Variants in ANK2 observed in about 807,000 individuals in gnomAD.
ANK2 encodes the protein ankyrin-2.
A neutral mutation model predicts 360.5 loss-of-function variants in ANK2; 83 were observed. The ratio of observed to expected loss-of-function variants is 0.23; its 90% CI spans 0.19 to 0.28. ANK2 has a LOEUF of 0.28. Ranked by LOEUF, ANK2 falls within the 10% of genes least tolerant of loss-of-function variation. The probability of loss-of-function intolerance (pLI) is 1.00; values close to 1 mark genes in which losing one functional copy is unlikely to be tolerated. For missense variants in ANK2, 4,201 were observed against 4,795.7 expected (o/e 0.88, Z 3.66); for synonymous variants, 1,740 against 1,759.5 (o/e 0.99, Z 0.28).
At chr4:113,280,782 T>C (rs2061985139) in intron 17 of ANK2, among the ~76,000 whole-genome samples, 1 of 152,222 alleles carries the variant, frequency 6.6e-6, no homozygotes, top group Admixed American at 6.5e-5. Context: ...ATTGCCAGAA[T>C]TGACACCTTC....
chr4:113,173,614 A>T (rs1489801894), intron 1 of ANK2, among the ~76,000 whole-genome samples: 1 of 152,178 alleles, frequency 6.6e-6, no homozygotes, highest in African/African-American at 2.4e-5. Flanking sequence ...GTAACTGTGC[A>T]TCTGGAGCAA....
chr4:112,958,079 C>T (rs1242717766), intron 2 of ANK2, among the ~76,000 whole-genome samples: 11 of 151,026 alleles, frequency 7.3e-5, no homozygotes, highest in African/African-American at 2.7e-4. Context: ...GATGGGATGG[C>T]GGCCGGGCAG....
At chr4:113,124,791 A>G (rs2095564916) in intron 1 of ANK2, among the ~76,000 whole-genome samples, 1 of 152,124 alleles carries the variant, frequency 6.6e-6, no homozygotes, top group Non-Finnish European at 1.5e-5. Context: ...GTTGCTTATC[A>G]TAGGGGAACA....
In ANK2 at chr4:113,282,932, A is replaced by G. The variant is rs143738346; in HGVS notation, c.2079+60A>G. On this transcript the variant is annotated intron_variant, in intron 18 of 45. Coordinates refer to ENST00000357077, the MANE Select transcript of ANK2 (RefSeq NM_001148.6). Reference sequence around the variant, plus strand: ...TTTGGATGCATGTAAACAGGAACCAATCGCAGACAGTTTGGAACAAAAAGG... The same window carrying G: ...TTTGGATGCATGTAAACAGGAACCAGTCGCAGACAGTTTGGAACAAAAAGG... The G allele has an allele frequency of 5.6e-4, 884 of 1,568,666 alleles. 5 individuals are homozygous for G. In the African/African-American group the frequency reaches 0.01, roughly 18 times the overall value.
At chr4:113,377,648 G>A (rs897464123) in intron 45 of ANK2, among the ~76,000 whole-genome samples, 1 of 152,100 alleles carries the variant, frequency 6.6e-6, no homozygotes, top group Non-Finnish European at 1.5e-5. Context: ...GAATTCATTG[G>A]AATATTAAAA....
intron 1 of ANK2, among the ~76,000 whole-genome samples, chr4:113,150,075 G>A (rs2154394990): frequency 6.6e-6 from 1 of 152,126 alleles, no homozygotes; most frequent in South Asian, 2.1e-4. Context: ...GAGGGGATCA[G>A]TGCAGGCCTC....
intron 8 of ANK2, among the ~76,000 whole-genome samples, chr4:113,241,481 G>A (rs1330030627): frequency 6.6e-6 from 1 of 152,216 alleles, no homozygotes; most frequent in South Asian, 2.1e-4. Flanking sequence ...AGGACTACAG[G>A]AACACACTAC....
At chr4:113,087,466 C>G (rs557190449) in intron 1 of ANK2, among the ~76,000 whole-genome samples, 3 of 152,062 alleles carry the variant, frequency 2.0e-5, no homozygotes, top group Non-Finnish European at 4.4e-5. Flanking sequence ...TTATGTTATT[C>G]TATAGAAATT....
chr4:113,187,133 A>G (rs2098546137), intron 2 of ANK2, among the ~76,000 whole-genome samples: 1 of 151,846 alleles, frequency 6.6e-6, no homozygotes. Flanking sequence ...GGCAGAGGGG[A>G]CAGTTTGAAA....
chr4:112,781,532 C>T, the ANK2 span, among the ~76,000 whole-genome samples: 1 of 152,210 alleles, frequency 6.6e-6, no homozygotes, highest in Admixed American at 6.5e-5. Context: ...TCATATTCTT[C>T]ATTATTTTAA....
At chr4:112,784,350 ATTTTTTTT>A in the ANK2 span, among the ~76,000 whole-genome samples, 24 of 69,518 alleles carry the variant, frequency 3.5e-4, no homozygotes, top group African/African-American at 7.2e-4. Flanking sequence ...ACCCTGACTG[ATTTTTTTT>A]TTTTTTTTTT....
intron 22 of ANK2, among the ~76,000 whole-genome samples, chr4:113,297,853 C>T (rs746998260): frequency 1.3e-5 from 2 of 151,896 alleles, no homozygotes; most frequent in Non-Finnish European, 2.9e-5. Context: ...GGTACTATCA[C>T]GGTTCACTGC....
chr4:112,959,386 G>T (rs2033450365), intron 2 of ANK2, among the ~76,000 whole-genome samples: 1 of 152,162 alleles, frequency 6.6e-6, no homozygotes, highest in African/African-American at 2.4e-5. Context: ...TTTTCTGAAT[G>T]AAGCAGTGCC....
intron 1 of ANK2, among the ~76,000 whole-genome samples, chr4:113,160,622 C>A (rs2154402569): frequency 6.6e-6 from 1 of 152,180 alleles, no homozygotes; most frequent in Middle Eastern, 3.4e-3. Flanking sequence ...TATTATATTT[C>A]CAGAAATACT....
rs2095643010 is a variant in ANK2 at position 113,354,773 on chromosome 4, G to A, written c.6155G>A (p.Arg2052Gln). ...AQKTENQTIKRGQRLPVTGTA... is the reference protein window; with the variant it reads ...AQKTENQTIKQGQRLPVTGTA... ...AAAACAGAGAATCAGACAATCAAAC[G>A]AGGCCAGAGACTCCCGGTAACGGGC... is the stretch of plus-strand genomic sequence containing the variant. Residue 2052 changes from arginine to glutamine, a missense_variant, in exon 38 of 46, where the codon CGA becomes CAA. By Grantham distance (43) the Arg-to-Gln change is conservative (BLOSUM62 1). Transcript: ENST00000357077. The A allele has an allele frequency of 3.7e-6, 6 of 1,613,806 alleles. No individual in the cohort carries two copies. The highest frequency in any genetic ancestry group is 1.6e-4 in the Middle Eastern group (1 of 6,078).
chr4:112,936,975 A>G (rs1345349189), intron 2 of ANK2, among the ~76,000 whole-genome samples: 1 of 151,902 alleles, frequency 6.6e-6, no homozygotes, highest in Non-Finnish European at 1.5e-5. Flanking sequence ...TTTTATTTTT[A>G]GCAGAGACAA....
At chr4:112,795,433 C>A in the ANK2 span, among the ~76,000 whole-genome samples, 1 of 152,268 alleles carries the variant, frequency 6.6e-6, no homozygotes, top group African/African-American at 2.4e-5. Flanking sequence ...GAAAGATGAA[C>A]AAGACCTACA....
intron 2 of ANK2, among the ~76,000 whole-genome samples, chr4:112,973,316 A>G (rs1458132980): frequency 6.6e-6 from 1 of 152,210 alleles, no homozygotes; most frequent in Admixed American, 6.5e-5. Flanking sequence ...ACTCTAGCAA[A>G]TAGGCGTGGC....
chr4:113,246,395 C>G (rs2042898461), intron 9 of ANK2, among the ~76,000 whole-genome samples: 1 of 152,164 alleles, frequency 6.6e-6, no homozygotes, highest in Non-Finnish European at 1.5e-5. Flanking sequence ...GCATTCTCAT[C>G]ATTGACTACT....
Sources: allele counts gnomAD v4.1 joint callset (sites outside exome capture counted in the v4.1 genomes callset), GRCh38; gene constraint gnomAD v4.1.1; transcripts MANE v1.5; gene names NCBI Gene and HGNC (gene_info 2026-07-23, HGNC 2026-07-21).